The following EPS15 variants were observed in gnomAD, a reference collection of about 807,000 sequenced individuals.
EPS15 encodes epidermal growth factor receptor pathway substrate 15.
EPS15 carries 72 observed loss-of-function variants against 113.8 expected under a neutral mutation model. That is an observed-to-expected ratio of 0.63 (90% CI 0.52 to 0.77). The LOEUF is 0.77. EPS15 is among the 30% of genes least tolerant of loss of function. EPS15 has a pLI of 0.00. For synonymous variants in EPS15, 344 were observed against 363.4 expected (o/e 0.95, Z 0.61); for missense variants, 1,048 against 1,045.8 (o/e 1.00, Z -0.03).
chr1:51,378,112 G>C (rs34534391), intron 21 of EPS15, among the ~76,000 whole-genome samples: 1 of 151,884 alleles, frequency 6.6e-6, no homozygotes, highest in Non-Finnish European at 1.5e-5. Context: ...GCGCAGGCTG[G>C]TCTTGAACTC....
chr1:51,365,158 G>A (rs72694133), intron 22 of EPS15, among the ~76,000 whole-genome samples: 1 of 152,142 alleles, frequency 6.6e-6, no homozygotes, highest in Non-Finnish European at 1.5e-5. Context: ...ATGTGTGTCT[G>A]AAGACCCTTT....
At chr1:51,470,027 G>A (rs936533028) in intron 4 of EPS15, among the ~76,000 whole-genome samples, 3 of 152,290 alleles carry the variant, frequency 2.0e-5, no homozygotes, top group Admixed American at 2.0e-4. Context: ...CTAACTGCTA[G>A]TATTCTAAGT....
chr1:51,383,964 G>C (rs553195630), intron 21 of EPS15, among the ~76,000 whole-genome samples: 1 of 152,168 alleles, frequency 6.6e-6, no homozygotes, highest in South Asian at 2.1e-4. Context: ...ATCTGGAAAG[G>C]AAATTAAGAA....
At chr1:51,489,920 C>A (rs924013533) in intron 1 of EPS15, among the ~76,000 whole-genome samples, 2 of 152,180 alleles carry the variant, frequency 1.3e-5, no homozygotes, top group Non-Finnish European at 2.9e-5. Flanking sequence ...AGAACCATAG[C>A]TGATTCCTAG....
chr1:51,423,091 C>T (rs1650914459), intron 12 of EPS15: 1 of 609,006 alleles, frequency 1.6e-6, no homozygotes, highest in Non-Finnish European at 2.3e-6. Flanking sequence ...CAAAAATCAA[C>T]TGTTTTGGAT....
intron 1 of EPS15, among the ~76,000 whole-genome samples, chr1:51,518,780 C>T (rs1381930021): frequency 6.6e-6 from 1 of 151,640 alleles, no homozygotes; most frequent in Non-Finnish European, 1.5e-5. Flanking sequence ...TCGTGCGGCC[C>T]GGGGGTGCGG....
At chr1:51,479,231 C>A (rs1326847533) in intron 2 of EPS15, among the ~76,000 whole-genome samples, 1 of 152,204 alleles carries the variant, frequency 6.6e-6, no homozygotes, top group Admixed American at 6.6e-5. Context: ...ACCTTTTCTT[C>A]CACTTGATCG....
At chr1:51,396,088 TATGA>T (rs1430672371) in intron 20 of EPS15, among the ~76,000 whole-genome samples, 3 of 149,986 alleles carry the variant, frequency 2.0e-5, no homozygotes, top group African/African-American at 7.6e-5. Flanking sequence ...AAATGAAAAC[TATGA>T]ATGATAAAAA....
intron 5 of EPS15, among the ~76,000 whole-genome samples, chr1:51,466,501 T>C (rs1654853379): frequency 6.6e-6 from 1 of 151,682 alleles, no homozygotes; most frequent in African/African-American, 2.4e-5. Context: ...TGGGTGCCTG[T>C]AATCCCAGCT....
At chr1:51,445,859 C>A (rs1291644395) in intron 10 of EPS15, among the ~76,000 whole-genome samples, 1 of 152,168 alleles carries the variant, frequency 6.6e-6, no homozygotes, top group Non-Finnish European at 1.5e-5. Context: ...TGATAACACC[C>A]ATCTTGCGAA....
chr1:51,420,825 C>G (rs1650682942), intron 13 of EPS15, among the ~76,000 whole-genome samples: 2 of 152,130 alleles, frequency 1.3e-5, no homozygotes, highest in South Asian at 4.1e-4. Flanking sequence ...GCACAGTCCA[C>G]CAGACAGACA....
intron 11 of EPS15, 149 bp downstream of exon 11, chr1:51,444,740 T>A: frequency 1.5e-6 from 1 of 645,394 alleles, no homozygotes; most frequent in Non-Finnish European, 2.5e-6. Context: ...AGCATATTTA[T>A]AGGCACAAAC....
At chr1:51,403,303 T>C in intron 17 of EPS15, 116 bp downstream of exon 17, 1 of 477,122 alleles carries the variant, frequency 2.1e-6, no homozygotes, top group South Asian at 5.4e-5. Flanking sequence ...GGGCTTTTGA[T>C]GTATCTATCA....
chr1:51,467,554 T>A (rs1654929684), intron 5 of EPS15, among the ~76,000 whole-genome samples: 1 of 152,150 alleles, frequency 6.6e-6, no homozygotes, highest in Non-Finnish European at 1.5e-5. Flanking sequence ...AAGCTACTTA[T>A]AAAAGGTATA....
At chr1:51,390,854 T>C (rs1467635014) in intron 21 of EPS15, among the ~76,000 whole-genome samples, 4 of 152,210 alleles carry the variant, frequency 2.6e-5, no homozygotes, top group Non-Finnish European at 4.4e-5. Context: ...GGAACATTTT[T>C]ACACTGTTGG....
intron 2 of EPS15, among the ~76,000 whole-genome samples, chr1:51,477,818 A>G (rs1461429487): frequency 6.6e-6 from 1 of 152,054 alleles, no homozygotes; most frequent in East Asian, 1.9e-4. Context: ...GGTCTGAGAG[A>G]CAGTTTGTTA....
chr1:51,399,238 T>C (rs1206603347), intron 19 of EPS15, 73 bp from the exon 20 acceptor site: 2 of 1,409,934 alleles, frequency 1.4e-6, no homozygotes, highest in African/African-American at 2.8e-5. Flanking sequence ...CTTGAAGGTA[T>C]GATCAGTGCC....
At chr1:51,416,209 G>A (rs1650208874) in intron 13 of EPS15, among the ~76,000 whole-genome samples, 1 of 152,028 alleles carries the variant, frequency 6.6e-6, no homozygotes, top group South Asian at 2.1e-4. Context: ...GTGGCCCTTG[G>A]GAACATCCTT....
At chr1:51,406,606 C>T (rs1649155302) in intron 15 of EPS15, among the ~76,000 whole-genome samples, 1 of 152,062 alleles carries the variant, frequency 6.6e-6, no homozygotes, top group Non-Finnish European at 1.5e-5. Context: ...AAGTATTTCT[C>T]TCTTGAAATT....
Sources: allele counts gnomAD v4.1 joint callset (sites outside exome capture counted in the v4.1 genomes callset), GRCh38; gene constraint gnomAD v4.1.1; transcripts MANE v1.5; gene names NCBI Gene and HGNC (gene_info 2026-07-23, HGNC 2026-07-21).